The following PRDM15 variants were observed in gnomAD, a reference collection of about 807,000 sequenced individuals.
PRDM15 encodes PR/SET domain 15, also known as PR domain zinc finger protein 15.
PRDM15 carries 64 observed loss-of-function variants against 128.6 expected under a neutral mutation model. That is an observed-to-expected ratio of 0.50 (90% CI 0.41 to 0.61). The LOEUF is 0.61. Ranked by LOEUF, PRDM15 falls within the 20% of genes least tolerant of loss-of-function variation. The pLI is 0.00. For missense variants in PRDM15, 1,242 were observed against 1,569.1 expected (o/e 0.79, Z 3.52); for synonymous variants, 615 against 621.8 (o/e 0.99, Z 0.16).
chr21:41,829,137 CAT>C (rs1181990821), intron 11 of PRDM15, among the ~76,000 whole-genome samples: 4 of 149,066 alleles, frequency 2.7e-5, no homozygotes, highest in East Asian at 2.0e-4. Flanking sequence ...ACCACACACA[CAT>C]GCCCCACACA....
chr21:41,803,968 T>C (rs2061488801), intron 22 of PRDM15, among the ~76,000 whole-genome samples: 1 of 151,452 alleles, frequency 6.6e-6, no homozygotes, highest in South Asian at 2.1e-4. Flanking sequence ...TTCTGATTTT[T>C]TTTTTTTTTT....
At chr21:41,851,990 G>A (rs1401860076) in intron 5 of PRDM15, among the ~76,000 whole-genome samples, 5 of 152,178 alleles carry the variant, frequency 3.3e-5, no homozygotes, top group Admixed American at 3.3e-4. Flanking sequence ...TATTACAAGT[G>A]TCCTTTTATT....
chr21:41,873,167 C>T (rs184524622), intron 1 of PRDM15, among the ~76,000 whole-genome samples: 137 of 152,290 alleles, frequency 9.0e-4, no homozygotes, highest in Admixed American at 2.9e-3. Context: ...AGCCTGGGGG[C>T]GCCTGGTTCC....
At chr21:41,858,618 G>GGT (rs1300921984) in intron 3 of PRDM15, among the ~76,000 whole-genome samples, 4 of 152,234 alleles carry the variant, frequency 2.6e-5, no homozygotes, top group Non-Finnish European at 5.9e-5. Flanking sequence ...GCGGACATGA[G>GGT]GTGCCCAGAG....
chr21:41,879,108 T>C lies in PRDM15; in HGVS notation c.-10+162A>G. 9.2e-7 allele frequency: 1 copy of C among 1,088,866 alleles called. No individual in the cohort carries two copies. The highest frequency in any genetic ancestry group is 1.8e-5 in the African/African-American group (1 of 56,912). 67.5% of individuals were successfully genotyped at this position (1,088,866 alleles called of 1,614,324 possible). ...AGCCGGCGAATGTAACAAAGAACAG[T>C]CGGCATGGCGGCTGGACCGGGGCGG... On this transcript the variant is annotated intron_variant, in intron 1 of 23. Coordinates refer to ENST00000398548, the MANE Select transcript of PRDM15 (RefSeq NM_001040424.3). The surrounding 1 kb of genome is among the most constrained non-coding windows in gnomAD (Gnocchi z 5.1).
rs912372205 is a variant in PRDM15, at chr21:41,860,676, C to T, written c.-9-304G>A. On this transcript the variant is annotated intron_variant, in intron 1 of 23. Coordinates refer to ENST00000398548, the MANE Select transcript of PRDM15 (RefSeq NM_001040424.3). ...GACCTTGTGATCCGCCTGCCTCGGC[C>T]TCTGAAAGTGCTGGGATTACAGGTG... is the stretch of plus-strand genomic sequence containing the variant. Among the ~76,000 whole-genome samples the T allele has an allele frequency of 3.3e-5, 5 of 152,198 alleles. No homozygotes were observed. The South Asian group carries it at 8.3e-4, about 25-fold the overall frequency.
intron 21 of PRDM15, among the ~76,000 whole-genome samples, chr21:41,805,080 T>G (rs2061520246): frequency 6.6e-6 from 1 of 152,210 alleles, no homozygotes; most frequent in Non-Finnish European, 1.5e-5. Flanking sequence ...TTGTTGGTTT[T>G]GTGATGAAGT....
chr21:41,851,913 T>C (rs2063441147), intron 5 of PRDM15, among the ~76,000 whole-genome samples: 1 of 152,200 alleles, frequency 6.6e-6, no homozygotes, highest in Non-Finnish European at 1.5e-5. Flanking sequence ...ATTAAAAACC[T>C]TGTTTAGGTT....
At position 41,866,803 on chromosome 21, in the gene PRDM15, G is replaced by C. The variant is rs2064023972; in HGVS notation, c.-9-6431C>G. 2.6e-5 allele frequency among the ~76,000 whole-genome samples: 4 copies of C among 152,124 alleles called. No homozygotes were observed. In the South Asian group the frequency reaches 8.3e-4, roughly 32 times the overall value. ...CCTTCCACACACACTACACAACAGA[G>C]GGTGCGACCGGGGCCTGCACAGGGG... On this transcript the variant is annotated intron_variant, in intron 1 of 23. Transcript: ENST00000398548.
intron 18 of PRDM15, among the ~76,000 whole-genome samples, chr21:41,816,235 G>A (rs946201419): frequency 6.6e-6 from 1 of 152,110 alleles, no homozygotes; most frequent in Admixed American, 6.5e-5. Flanking sequence ...ATTCGGACGC[G>A]AGATGGTTTC....
chr21:41,810,549 A>G lies in PRDM15; in HGVS notation c.2476+204T>C. The G allele has an allele frequency of 1.6e-6, 1 of 644,494 alleles. No homozygotes were observed. Among genetic ancestry groups the G allele is most frequent in the East Asian group, 2.7e-5 (1 of 36,570 alleles). The allele number at this position is 644,494 out of a possible 1,614,324, so 39.9% of individuals were successfully genotyped here. The stretch of plus-strand genomic sequence containing the variant: ...GCAGCAGCTGCATCACGGAACCAAT[A>G]TGAGAAAATTCAAGAAGGGATACTT... On this transcript the variant is annotated intron_variant, in intron 20 of 23. Transcript: ENST00000398548. The surrounding 1 kb of genome is among the most constrained non-coding windows in gnomAD (Gnocchi z 6.4).
In PRDM15 at chr21:41,837,982, A is replaced by G; in HGVS notation, c.953T>C (p.Val318Ala). 1 of 1,614,164 alleles carries G rather than the reference A, an allele frequency of 6.2e-7. No homozygotes were observed. Residue 318 changes from valine to alanine, a missense_variant, in exon 8 of 24, where the codon GTT (valine) becomes GCT (alanine). Transcript: ENST00000398548. ...GGTGGTGGTGGCCAGCTTCCCCAGA[A>G]CCAGCTCCATGATCCGCTCATCTGG... ...ATPDERIMEL[V>A]LGKLATTTTD...
rs772262611 is a variant in PRDM15 at position 41,810,328 on chromosome 21, C to G, written c.2478G>C (p.Val826=). 18 of 1,611,558 alleles carry G rather than the reference C, an allele frequency of 1.1e-5. No homozygotes were observed. Among genetic ancestry groups the G allele is most frequent in the Non-Finnish European group, 1.5e-5 (18 of 1,179,066 alleles). ...TMETHKLIHT[V]GKQWTCSVCD... ...ACACGGAGCACGTCCACTGCTTGCC[C>G]ACTTTTCACACACACGCAGACACAC... Residue 826 remains valine (V), a splice_region_variant and synonymous_variant, in exon 21 of 24, where the codon GTG becomes GTC. Coordinates refer to ENST00000398548, the MANE Select transcript of PRDM15 (RefSeq NM_001040424.3). This position sits in a 1 kb window ranked among gnomAD's most constrained non-coding sequence, Gnocchi z 6.4.
intron 22 of PRDM15, 131 bp from the exon 23 acceptor site, chr21:41,803,052 C>A: frequency 1.4e-6 from 1 of 730,204 alleles, no homozygotes; most frequent in Non-Finnish European, 2.4e-6. Context: ...CGAGCTGCCA[C>A]AAGAAACAGT....
chr21:41,848,480 C>A (rs1011135706), intron 5 of PRDM15, among the ~76,000 whole-genome samples: 1 of 152,212 alleles, frequency 6.6e-6, no homozygotes, highest in African/African-American at 2.4e-5. Context: ...TTCCCTTTTA[C>A]GCTTGCTCTC....
At chr21:41,873,003 C>G (rs1164327505) in intron 1 of PRDM15, among the ~76,000 whole-genome samples, 2 of 152,150 alleles carry the variant, frequency 1.3e-5, no homozygotes, top group Non-Finnish European at 2.9e-5. Context: ...CTATAACTTC[C>G]CGCACCCTGC....
At chr21:41,804,434 A>G in intron 22 of PRDM15, 100 bp downstream of exon 22, 1 of 912,830 alleles carries the variant, frequency 1.1e-6, no homozygotes, top group Non-Finnish European at 1.7e-6. Flanking sequence ...AGGCTTGCCC[A>G]GAGCTGCTCC....
chr21:41,810,070 G>T lies in PRDM15; in HGVS notation c.2652+84C>A. On this transcript the variant is annotated intron_variant, in intron 21 of 23. Coordinates refer to ENST00000398548, the MANE Select transcript of PRDM15 (RefSeq NM_001040424.3). This position sits in a 1 kb window ranked among gnomAD's most constrained non-coding sequence, Gnocchi z 6.4. ...GCCTCCAGTACTGGGGGTCTGCAGA[G>T]GGAGGTGGGCCATGTGCCAGCATGG... is the stretch of plus-strand genomic sequence containing the variant. 1 of 1,380,818 alleles carries T rather than the reference G, an allele frequency of 7.2e-7. No homozygotes were observed. The highest frequency in any genetic ancestry group is 9.9e-7 in the Non-Finnish European group (1 of 1,007,472). The allele number at this position is 1,380,818 out of a possible 1,614,324, so 85.5% of individuals were successfully genotyped here.
intron 4 of PRDM15, among the ~76,000 whole-genome samples, chr21:41,856,405 C>T (rs780471647): frequency 7.3e-5 from 11 of 151,248 alleles, no homozygotes; most frequent in Non-Finnish European, 8.8e-5. Flanking sequence ...AAAACCCAAG[C>T]TTGTTGACTT....
Sources: gnomAD v4.1 joint callset for allele counts (sites outside exome capture counted in the v4.1 genomes callset) on GRCh38, gnomAD v4.1.1 for gene constraint, Gnocchi (gnomAD v3.1) non-coding constraint, MANE v1.5 for transcripts, NCBI Gene and HGNC (gene_info 2026-07-23, HGNC 2026-07-21) for gene names.